The following USP34 variants were observed in gnomAD, a reference collection of about 807,000 sequenced individuals.
USP34 encodes ubiquitin carboxyl-terminal hydrolase 34.
Under a neutral mutation model 460.3 loss-of-function variants are expected in USP34, and 70 were observed. That is an observed-to-expected ratio of 0.15 (90% CI 0.13 to 0.19). USP34 has a LOEUF of 0.19. Ranked by LOEUF, USP34 falls within the 10% of genes least tolerant of loss-of-function variation. USP34 has a pLI of 1.00. For missense variants in USP34, 3,985 were observed against 4,236.2 expected, an observed-to-expected ratio of 0.94 and a Z score of 1.65; for synonymous variants, 1,647 against 1,405.3, an observed-to-expected ratio of 1.17 and a Z score of -3.85.
chr2:61,380,771 C>A (rs978397545), intron 6 of USP34, among the ~76,000 whole-genome samples: 1 of 152,184 alleles, frequency 6.6e-6, no homozygotes, highest in Non-Finnish European at 1.5e-5. Context: ...TTTGAGCTTG[C>A]CTTCTCTTGC....
chr2:61,413,648 G>C (rs1694110035), intron 2 of USP34, among the ~76,000 whole-genome samples: 1 of 142,692 alleles, frequency 7.0e-6, no homozygotes. Context: ...AATACAGTGA[G>C]ACTCAGTCTC....
At chr2:61,344,643 G>A (rs1691708160) in intron 15 of USP34, among the ~76,000 whole-genome samples, 1 of 152,244 alleles carries the variant, frequency 6.6e-6, no homozygotes, top group African/African-American at 2.4e-5. Context: ...GTCTTGTGAG[G>A]TATGGAATGG....
At chr2:61,347,126 C>T (rs946619749) in intron 15 of USP34, among the ~76,000 whole-genome samples, 3 of 151,602 alleles carry the variant, frequency 2.0e-5, no homozygotes, top group African/African-American at 7.3e-5. Context: ...GGCAACAGAG[C>T]GAGACCCTGT....
At chr2:61,369,932 A>AT (rs1366383877) in intron 10 of USP34, among the ~76,000 whole-genome samples, 2 of 148,040 alleles carry the variant, frequency 1.4e-5, no homozygotes, top group Non-Finnish European at 3.0e-5. Context: ...CATGTAATAT[A>AT]TTTTTTATAT....
chr2:61,300,835 AGG>A, intron 29 of USP34, 114 bp downstream of exon 29: 1 of 669,470 alleles, frequency 1.5e-6, no homozygotes, highest in Non-Finnish European at 2.2e-6. Flanking sequence ...AAAAAAAAAA[AGG>A]AGAGAAAATT....
At chr2:61,362,464 G>T (rs192096348) in intron 10 of USP34, among the ~76,000 whole-genome samples, 1 of 152,218 alleles carries the variant, frequency 6.6e-6, no homozygotes. Context: ...TACACACATA[G>T]GGATATTATT....
intron 1 of USP34, among the ~76,000 whole-genome samples, chr2:61,434,768 A>ACG (rs1553390573): frequency 5.4e-5 from 8 of 149,516 alleles, no homozygotes; most frequent in Non-Finnish European, 1.2e-4. Flanking sequence ...TAAAATTGAA[A>ACG]GGGGGGGGGT....
At chr2:61,242,321 G>A (rs762210836) in intron 51 of USP34, among the ~76,000 whole-genome samples, 1 of 152,090 alleles carries the variant, frequency 6.6e-6, no homozygotes, top group African/African-American at 2.4e-5. Context: ...GAACCTCAAA[G>A]TTGTAAGTAA....
At chr2:61,408,823 G>A (rs1331224016) in intron 2 of USP34, among the ~76,000 whole-genome samples, 1 of 151,770 alleles carries the variant, frequency 6.6e-6, no homozygotes, top group Admixed American at 6.6e-5. Flanking sequence ...AACTTGGGAG[G>A]CGGAGGTTGC....
intron 1 of USP34, among the ~76,000 whole-genome samples, chr2:61,456,046 G>T (rs1558605513): frequency 2.0e-5 from 3 of 152,104 alleles, no homozygotes; most frequent in African/African-American, 7.2e-5. Context: ...ACAGCTAAAT[G>T]TATTTCTATA....
intron 75 of USP34, among the ~76,000 whole-genome samples, chr2:61,197,016 T>G (rs1460676502): frequency 6.6e-6 from 1 of 152,230 alleles, no homozygotes; most frequent in Non-Finnish European, 1.5e-5. Context: ...GGCTCACGCC[T>G]ATAATCCCAG....
intron 58 of USP34, among the ~76,000 whole-genome samples, chr2:61,231,832 T>C (rs976947205): frequency 8.7e-5 from 13 of 149,760 alleles, no homozygotes; most frequent in African/African-American, 2.7e-4. Context: ...TATACATATA[T>C]ATGTATGTTC....
intron 29 of USP34, among the ~76,000 whole-genome samples, chr2:61,300,318 C>A (rs1018322107): frequency 6.6e-6 from 1 of 151,928 alleles, no homozygotes; most frequent in Non-Finnish European, 1.5e-5. Flanking sequence ...CTTCCCCATT[C>A]TCCTTTCTAG....
chr2:61,373,789 A>G (rs886647763), intron 8 of USP34, among the ~76,000 whole-genome samples: 2 of 152,196 alleles, frequency 1.3e-5, no homozygotes, highest in African/African-American at 2.4e-5. Context: ...CATAATATAG[A>G]TATCATACAC....
chr2:61,190,139 T>G (rs78059296), intron 78 of USP34, 132 bp downstream of exon 78: 1 of 1,322,078 alleles, frequency 7.6e-7, no homozygotes, highest in Non-Finnish European at 1.0e-6. Context: ...TTAAAACTTG[T>G]TTTTTTGTCG....
At chr2:61,218,037 A>C (rs1047179529) in intron 67 of USP34, among the ~76,000 whole-genome samples, 1 of 152,082 alleles carries the variant, frequency 6.6e-6, no homozygotes, top group Non-Finnish European at 1.5e-5. Context: ...AAGATCTGTT[A>C]AACTGCCTTT....
Position 61,307,461 on chromosome 2 carries a change from A to T in USP34, c.3817+4079T>A, listed in dbSNP as rs539703610. On this transcript the variant is annotated intron_variant, in intron 27 of 79. Coordinates refer to ENST00000398571, the MANE Select transcript of USP34 (RefSeq NM_014709.4). The stretch of plus-strand genomic sequence containing the variant: ...CACATGTACCCTAGAACTTTAATTT[A>T]AAAAAAAAGAGTTTATGAGACTTGG... 3.7e-4 allele frequency among the ~76,000 whole-genome samples: 55 copies of T among 149,546 alleles called. 1 individual carries two copies. The highest frequency in any genetic ancestry group is 2.7e-3 in the Admixed American group (40 of 14,966).
At chr2:61,382,453 C>T (rs1043706136) in intron 6 of USP34, among the ~76,000 whole-genome samples, 2 of 152,200 alleles carry the variant, frequency 1.3e-5, no homozygotes, top group African/African-American at 4.8e-5. Context: ...ATTTGAATAG[C>T]TGACTCACGT....
intron 53 of USP34, among the ~76,000 whole-genome samples, chr2:61,239,977 C>T (rs1688198849): frequency 6.8e-6 from 1 of 148,122 alleles, no homozygotes; most frequent in African/African-American, 2.5e-5. Flanking sequence ...CGTCACTGCA[C>T]TCCAGCCTGG....
Sources: gnomAD v4.1 joint callset for allele counts (sites outside exome capture counted in the v4.1 genomes callset) on GRCh38, gnomAD v4.1.1 for gene constraint, MANE v1.5 for transcripts, NCBI Gene and HGNC (gene_info 2026-07-23, HGNC 2026-07-21) for gene names.